Variants in MCUB observed in about 807,000 individuals in gnomAD.
The protein encoded by MCUB is calcium uniporter regulatory subunit MCUb, mitochondrial.
MCUB carries 46 observed loss-of-function variants against 41.4 expected under a neutral mutation model. That is an observed-to-expected ratio of 1.11 (90% CI 0.88 to 1.42). MCUB has a LOEUF of 1.42. Ranked by LOEUF, MCUB falls within the 40% of genes most tolerant of loss-of-function variation. The probability of loss-of-function intolerance (pLI) is 0.00; values close to 1 mark genes in which losing one functional copy is unlikely to be tolerated. For missense variants in MCUB, 403 were observed against 404.9 expected, an observed-to-expected ratio of 1.00 and a Z score of 0.04; for synonymous variants, 148 against 148.2, an observed-to-expected ratio of 1.00 and a Z score of 0.01.
chr4:109,674,264 T>TG (rs1212973199), intron 4 of MCUB: 1 of 653,336 alleles, frequency 1.5e-6, no homozygotes, highest in Non-Finnish European at 2.8e-6. Context: ...CTTCCTTTCT[T>TG]GCAGGCTTGA....
Position 109,634,701 on chromosome 4 carries a change from C to T in MCUB, c.100-24310C>T, listed in dbSNP as rs1482587039. On this transcript the variant is annotated intron_variant, in intron 1 of 7. Coordinates refer to ENST00000394650, the MANE Select transcript of MCUB (RefSeq NM_017918.5). Reference sequence around the variant, plus strand: ...TTGTTGCATTGTTACTGTATTCCATCTGATGAAGATGCCATTATTTATTCA... The same window carrying T: ...TTGTTGCATTGTTACTGTATTCCATTTGATGAAGATGCCATTATTTATTCA... Among the ~76,000 whole-genome samples the T allele has an allele frequency of 7.9e-5, 12 of 152,214 alleles. No individual in the cohort carries two copies. The East Asian group carries it at 2.3e-3, about 29-fold the overall frequency.
intron 1 of MCUB, among the ~76,000 whole-genome samples, chr4:109,620,899 C>CTT (rs11408621): frequency 2.7e-4 from 39 of 146,198 alleles, no homozygotes; most frequent in East Asian, 1.2e-3. Flanking sequence ...CATTCTTCTT[C>CTT]TTTTTTTTTT....
At chr4:109,685,408 C>T in intron 7 of MCUB, 41 bp downstream of exon 7, 2 of 845,196 alleles carry the variant, frequency 2.4e-6, no homozygotes, top group Non-Finnish European at 4.0e-6. Context: ...TGTTTGGGAG[C>T]CAGAACTTAG....
At chr4:109,586,516 T>C (rs987143370) in intron 1 of MCUB, among the ~76,000 whole-genome samples, 4 of 152,186 alleles carry the variant, frequency 2.6e-5, no homozygotes, top group Non-Finnish European at 4.4e-5. Flanking sequence ...GTGTGATCCT[T>C]TGGAAGAGCA....
intron 3 of MCUB, among the ~76,000 whole-genome samples, chr4:109,660,729 T>C (rs1284793731): frequency 6.6e-6 from 1 of 151,798 alleles, no homozygotes; most frequent in Non-Finnish European, 1.5e-5. Context: ...GGCAGGAGAA[T>C]TGCTTGAACC....
intron 4 of MCUB, among the ~76,000 whole-genome samples, chr4:109,680,417 GCA>G (rs558570147): frequency 7.2e-5 from 11 of 152,188 alleles, no homozygotes; most frequent in African/African-American, 2.7e-4. Flanking sequence ...AGTCATCTCT[GCA>G]CAAATTGAAG....
chr4:109,640,009 G>C (rs1728680226), intron 1 of MCUB, among the ~76,000 whole-genome samples: 1 of 152,226 alleles, frequency 6.6e-6, no homozygotes, highest in Non-Finnish European at 1.5e-5. Context: ...TTTCACCTGG[G>C]TGCAGGCGGG....
At chr4:109,583,790 C>G (rs532989546) in intron 1 of MCUB, among the ~76,000 whole-genome samples, 1 of 152,096 alleles carries the variant, frequency 6.6e-6, no homozygotes, top group Non-Finnish European at 1.5e-5. Context: ...TGGATTTTGT[C>G]GAAGGCCTTT....
At chr4:109,582,294 G>A (rs1294016125) in intron 1 of MCUB, among the ~76,000 whole-genome samples, 8 of 146,290 alleles carry the variant, frequency 5.5e-5, no homozygotes, top group East Asian at 2.0e-4. Flanking sequence ...ACCAAACACC[G>A]CATGTTCTCA....
chr4:109,631,003 CAG>C (rs1468239343), intron 1 of MCUB, among the ~76,000 whole-genome samples: 1 of 152,162 alleles, frequency 6.6e-6, no homozygotes, highest in African/African-American at 2.4e-5. Flanking sequence ...TGACAACATA[CAG>C]AATTCTTTTT....
At chr4:109,592,257 A>G (rs1198819733) in intron 1 of MCUB, among the ~76,000 whole-genome samples, 1 of 151,710 alleles carries the variant, frequency 6.6e-6, no homozygotes, top group Non-Finnish European at 1.5e-5. Context: ...TAAAAATACA[A>G]AAATTAGCCG....
intron 3 of MCUB, 99 bp downstream of exon 3, chr4:109,660,464 C>T: frequency 1.7e-6 from 1 of 582,022 alleles, no homozygotes; most frequent in Non-Finnish European, 3.0e-6. Flanking sequence ...TTGTTTAATT[C>T]ATTAGATAAT....
At chr4:109,677,541 G>C (rs561343048) in intron 4 of MCUB, among the ~76,000 whole-genome samples, 117 of 152,194 alleles carry the variant, frequency 7.7e-4, no homozygotes, top group Non-Finnish European at 1.5e-3. Context: ...ATGCAAAGCT[G>C]TTGGGAAGTG....
At chr4:109,642,893 A>ATTTT (rs34076028) in intron 1 of MCUB, among the ~76,000 whole-genome samples, 2 of 111,126 alleles carry the variant, frequency 1.8e-5, no homozygotes, top group Admixed American at 1.0e-4. Context: ...TCTCAGCTAG[A>ATTTT]TTTTTTTTTT....
At chr4:109,643,779 C>G (rs1053025212) in intron 1 of MCUB, among the ~76,000 whole-genome samples, 6 of 152,218 alleles carry the variant, frequency 3.9e-5, no homozygotes, top group Non-Finnish European at 8.8e-5. Flanking sequence ...GCTGGGATTA[C>G]AGGCATGAGC....
chr4:109,594,825 G>A (rs1727518872), intron 1 of MCUB, among the ~76,000 whole-genome samples: 1 of 150,412 alleles, frequency 6.6e-6, no homozygotes. Context: ...TTAAGGTTGC[G>A]TGATCCAAAC....
chr4:109,606,819 T>C (rs1579062726), intron 1 of MCUB, among the ~76,000 whole-genome samples: 1 of 152,222 alleles, frequency 6.6e-6, no homozygotes, highest in Non-Finnish European at 1.5e-5. Context: ...CGATCTCGGC[T>C]CACTGCAACC....
At chr4:109,597,422 A>C (rs1163197990) in intron 1 of MCUB, among the ~76,000 whole-genome samples, 1 of 114,360 alleles carries the variant, frequency 8.7e-6, no homozygotes, top group African/African-American at 3.4e-5. Context: ...TGACCCCCCC[A>C]CCTCCCTCCC....
chr4:109,637,838 A>G (rs2126139597), intron 1 of MCUB, among the ~76,000 whole-genome samples: 1 of 152,344 alleles, frequency 6.6e-6, no homozygotes, highest in Non-Finnish European at 1.5e-5. Context: ...AGAAATCACC[A>G]CTAAAGAACT....
Sources: gnomAD v4.1 joint callset for allele counts (sites outside exome capture counted in the v4.1 genomes callset) on GRCh38, gnomAD v4.1.1 for gene constraint, MANE v1.5 for transcripts, NCBI Gene and HGNC (gene_info 2026-07-23, HGNC 2026-07-21) for gene names.